Variants in DEPDC5 observed in about 807,000 individuals in gnomAD.
DEPDC5 encodes the protein GATOR1 complex protein DEPDC5.
A neutral mutation model predicts 217.3 loss-of-function variants in DEPDC5; 73 were observed. That is an observed-to-expected ratio of 0.34 (90% CI 0.28 to 0.41). The LOEUF is 0.41. DEPDC5 is among the 10% of genes least tolerant of loss of function. DEPDC5 has a pLI of 1.00. For synonymous variants in DEPDC5, 733 were observed against 756.7 expected, an observed-to-expected ratio of 0.97 and a Z score of 0.51; for missense variants, 1,675 against 2,070.1, an observed-to-expected ratio of 0.81 and a Z score of 3.70.
In DEPDC5 at chr22:31,906,687, G is replaced by C. The variant is rs2093765275; in HGVS notation, c.*190G>C. On this transcript the variant is annotated 3_prime_UTR_variant, in exon 43 of 43. Transcript: ENST00000651528. The surrounding 1 kb of genome is among the most constrained non-coding windows in gnomAD (Gnocchi z 5.1). ...CCCCCACGACAAGTCTTCTACTCTA[G>C]AAGAAAGACTTTGGAAGCAGCTGCT... is the stretch of plus-strand genomic sequence containing the variant. The C allele has an allele frequency of 2.7e-6, 2 of 735,968 alleles. No homozygotes were observed. The highest frequency in any genetic ancestry group is 4.3e-6 in the Non-Finnish European group (2 of 460,974). 45.6% of individuals were successfully genotyped at this position (735,968 alleles called of 1,614,324 possible).
chr22:31,803,458 C>T (rs1051034028), intron 15 of DEPDC5, among the ~76,000 whole-genome samples: 3 of 152,044 alleles, frequency 2.0e-5, no homozygotes, highest in East Asian at 1.9e-4. Context: ...GTGATCCGCC[C>T]GTCTTGGCCT....
intron 41 of DEPDC5, among the ~76,000 whole-genome samples, chr22:31,903,897 G>A (rs972230343): frequency 2.6e-5 from 4 of 151,666 alleles, no homozygotes; most frequent in Non-Finnish European, 5.9e-5. Flanking sequence ...TTTCCTATTT[G>A]TGTTTCCTTC....
At chr22:31,902,408 T>TTTTATATA (rs1491391820) in intron 41 of DEPDC5, among the ~76,000 whole-genome samples, 1 of 111,946 alleles carries the variant, frequency 8.9e-6, no homozygotes, top group Non-Finnish European at 1.8e-5. Context: ...CATCTCCTTA[T>TTTTATATA]TATATATATA....
chr22:31,808,807 T>C (rs1029097808), intron 18 of DEPDC5, among the ~76,000 whole-genome samples: 5 of 152,144 alleles, frequency 3.3e-5, no homozygotes, highest in African/African-American at 1.2e-4. Context: ...TCAGGTGATC[T>C]ACCTGTCTCG....
chr22:31,884,420 A>G (rs1378360670), intron 38 of DEPDC5, among the ~76,000 whole-genome samples: 1 of 152,152 alleles, frequency 6.6e-6, no homozygotes, highest in Non-Finnish European at 1.5e-5. Context: ...CAGCCTTCCC[A>G]ATGCAGGGAG....
At chr22:31,905,268 C>T (rs1353812324) in intron 41 of DEPDC5, among the ~76,000 whole-genome samples, 4 of 151,626 alleles carry the variant, frequency 2.6e-5, no homozygotes, top group East Asian at 2.0e-4. Flanking sequence ...CTGCAGCCTC[C>T]GCCTCCCGGA....
chr22:31,879,043 AATATATATAT>A (rs1555918454), intron 37 of DEPDC5, among the ~76,000 whole-genome samples: 3 of 119,464 alleles, frequency 2.5e-5, no homozygotes, highest in African/African-American at 6.2e-5. Context: ...AAAAAAAAAA[AATATATATAT>A]ATATATATAT....
intron 25 of DEPDC5, among the ~76,000 whole-genome samples, chr22:31,835,053 GA>G (rs1431219628): frequency 6.6e-6 from 1 of 152,224 alleles, no homozygotes; most frequent in African/African-American, 2.4e-5. Context: ...AGAACTTTGG[GA>G]GGCTGAGGTG....
intron 3 of DEPDC5, among the ~76,000 whole-genome samples, chr22:31,759,454 A>G (rs2082205812): frequency 6.6e-6 from 1 of 150,740 alleles, no homozygotes; most frequent in Non-Finnish European, 1.5e-5. Context: ...GCTCACTGCA[A>G]TCTCTGTCTT....
chr22:31,856,153 G>GCACA (rs771652884), intron 31 of DEPDC5, among the ~76,000 whole-genome samples: 11,251 of 108,146 alleles, frequency 0.1, 655 homozygotes, highest in South Asian at 0.21. Context: ...TTGGGCCAAC[G>GCACA]CGCACACACA....
intron 13 of DEPDC5, 114 bp downstream of exon 13, chr22:31,797,817 C>T (rs2086423313): frequency 2.4e-6 from 2 of 820,484 alleles, no homozygotes; most frequent in Non-Finnish European, 4.0e-6. Context: ...GTAGTTTCTG[C>T]TTTTGGTCAG....
intron 38 of DEPDC5, chr22:31,879,956 C>A: frequency 1.7e-6 from 1 of 579,364 alleles, no homozygotes; most frequent in African/African-American, 1.9e-5. Flanking sequence ...AACCAACAGA[C>A]GGTATTTAGC....
At chr22:31,827,634 A>G (rs926732013) in intron 24 of DEPDC5, among the ~76,000 whole-genome samples, 1 of 152,230 alleles carries the variant, frequency 6.6e-6, no homozygotes, top group Non-Finnish European at 1.5e-5. Flanking sequence ...GTAAAAGCCA[A>G]GGCATTATGG....
At chr22:31,891,564 T>C (rs1417496749) in intron 38 of DEPDC5, 1 of 164,744 alleles carries the variant, frequency 6.1e-6, no homozygotes, top group Admixed American at 6.5e-5. Flanking sequence ...CAGAAGCTCA[T>C]TAAAATTGCT....
intron 4 of DEPDC5, among the ~76,000 whole-genome samples, chr22:31,762,479 G>T (rs1000815821): frequency 5.9e-5 from 9 of 152,170 alleles, no homozygotes; most frequent in Admixed American, 1.3e-4. Context: ...AAAGGGCTTT[G>T]ATGGCTGGGT....
intron 38 of DEPDC5, among the ~76,000 whole-genome samples, chr22:31,881,291 C>CA (rs67347332): frequency 0.018 from 1,924 of 107,108 alleles, 44 homozygotes; most frequent in African/African-American, 0.058. Flanking sequence ...CTCCATCTCT[C>CA]AAAAAAAAAA....
At chr22:31,756,583 GTAGT>G (rs1403706429) in intron 2 of DEPDC5, among the ~76,000 whole-genome samples, 1 of 152,068 alleles carries the variant, frequency 6.6e-6, no homozygotes, top group Admixed American at 6.6e-5. Context: ...AAATACAAAG[GTAGT>G]TAGATGCTGT....
At chr22:31,837,536 T>C (rs955941775) in intron 26 of DEPDC5, among the ~76,000 whole-genome samples, 2 of 152,028 alleles carry the variant, frequency 1.3e-5, no homozygotes, top group Non-Finnish European at 1.5e-5. Flanking sequence ...GTGTATTTTA[T>C]AAAGACGCTA....
intron 38 of DEPDC5, among the ~76,000 whole-genome samples, chr22:31,891,731 A>G (rs543213419): frequency 6.6e-6 from 1 of 152,302 alleles, no homozygotes; most frequent in South Asian, 2.1e-4. Context: ...TAGAAACCCT[A>G]GGTCTGGGGG....
Sources: allele counts gnomAD v4.1 joint callset (sites outside exome capture counted in the v4.1 genomes callset), GRCh38; gene constraint gnomAD v4.1.1; non-coding constraint Gnocchi (gnomAD v3.1); transcripts MANE v1.5; gene names NCBI Gene and HGNC (gene_info 2026-07-23, HGNC 2026-07-21).